Variants in TSPEAR observed in about 807,000 individuals in gnomAD.
TSPEAR encodes the protein thrombospondin-type laminin G domain and EAR repeat-containing protein.
TSPEAR carries 69 observed loss-of-function variants against 71.6 expected under a neutral mutation model. The ratio of observed to expected loss-of-function variants is 0.96; its 90% confidence interval spans 0.79 to 1.18. TSPEAR has a LOEUF of 1.18. TSPEAR is among the 50% of genes most tolerant of loss of function. The probability of loss-of-function intolerance (pLI) is 0.00; values close to 1 mark genes in which losing one functional copy is unlikely to be tolerated. For synonymous variants in TSPEAR, 402 were observed against 387.2 expected (o/e 1.04, Z -0.45); for missense variants, 971 against 894.9 (o/e 1.09, Z -1.09).
chr21:44,509,445 G>A, intron 9 of TSPEAR, 59 bp from the exon 10 acceptor site: 2 of 1,400,556 alleles, frequency 1.4e-6, no homozygotes, highest in Non-Finnish European at 1.9e-6. Context: ...AGGTGTGGGG[G>A]AGCGGGCGCA....
At chr21:44,588,332 C>T (rs587751534) in intron 1 of TSPEAR, among the ~76,000 whole-genome samples, 30 of 152,242 alleles carry the variant, frequency 2.0e-4, no homozygotes, top group African/African-American at 6.3e-4. Context: ...TGGGATACCA[C>T]CTCACTCCTG....
rs781828162 is a variant in TSPEAR, at chr21:44,711,405, C to A, written c.82+28G>T. Reference sequence around the variant, plus strand: ...TCCCAGCTCCCCGGCAAGATACCCCCGCCCGAGTTCCCATGCCCCTGCCTT... The same window carrying A: ...TCCCAGCTCCCCGGCAAGATACCCCAGCCCGAGTTCCCATGCCCCTGCCTT... On this transcript the variant is annotated intron_variant, in intron 1 of 11. Transcript: ENST00000323084. The surrounding 1 kb of genome is among the most constrained non-coding windows in gnomAD (Gnocchi z 4.5). 2.6e-6 allele frequency: 4 copies of A among 1,563,828 alleles called. No individual in the cohort carries two copies. Among genetic ancestry groups the A allele is most frequent in the East Asian group, 2.4e-5 (1 of 42,526 alleles).
At chr21:44,574,580 C>T (rs587619253) in intron 1 of TSPEAR, 7 of 1,308,970 alleles carry the variant, frequency 5.3e-6, no homozygotes, top group Non-Finnish European at 7.1e-6. Context: ...GTGTGCCTGT[C>T]TGCTGCAAGC....
intron 2 of TSPEAR, among the ~76,000 whole-genome samples, chr21:44,542,014 G>A (rs760879866): frequency 3.9e-5 from 6 of 152,196 alleles, no homozygotes; most frequent in Admixed American, 6.5e-5. Context: ...AGAAACAGAC[G>A]TGCAGGAGAT....
chr21:44,614,206 C>A (rs868975415), intron 1 of TSPEAR, among the ~76,000 whole-genome samples: 1 of 152,230 alleles, frequency 6.6e-6, no homozygotes, highest in East Asian at 1.9e-4. Flanking sequence ...GTGACGCCAG[C>A]GTCACTCTCC....
At chr21:44,647,012 A>T in intron 1 of TSPEAR, 1 of 1,611,360 alleles carries the variant, frequency 6.2e-7, no homozygotes, top group Non-Finnish European at 8.5e-7. Flanking sequence ...TCCTCCTACC[A>T]GCAGGCCTGC....
chr21:44,579,718 G>C (rs1474564851), intron 1 of TSPEAR: 1 of 1,583,516 alleles, frequency 6.3e-7, no homozygotes, highest in Non-Finnish European at 8.6e-7. Flanking sequence ...TTGGCCCTGG[G>C]GGATGTGCAC....
At chr21:44,606,839 G>C (rs1340873374) in intron 1 of TSPEAR, among the ~76,000 whole-genome samples, 5 of 152,154 alleles carry the variant, frequency 3.3e-5, no homozygotes, top group African/African-American at 1.2e-4. Flanking sequence ...AGAGCAGAAA[G>C]GTGGTTACCA....
rs1466067494 is a variant in TSPEAR at position 44,695,125 on chromosome 21, C to A, written c.82+16308G>T. ...GCCTTCTGAGGTCACTCTTTATAAT[C>A]CAAATAAAATAACAAGAGACAGTGC... On this transcript the variant is annotated intron_variant, in intron 1 of 11. Transcript: ENST00000323084. This position sits in a 1 kb window ranked among gnomAD's most constrained non-coding sequence, Gnocchi z 4.5. 1.3e-5 allele frequency among the ~76,000 whole-genome samples: 2 copies of A among 152,180 alleles called. No individual in the cohort carries two copies. Among genetic ancestry groups the A allele is most frequent in the Non-Finnish European group, 2.9e-5 (2 of 68,018 alleles).
At chr21:44,524,682 TAGTC>T (rs782490339) in intron 8 of TSPEAR, among the ~76,000 whole-genome samples, 265 of 140,616 alleles carry the variant, frequency 1.9e-3, no homozygotes, top group East Asian at 6.3e-3. Flanking sequence ...GTTAGGTAAT[TAGTC>T]AGTCAGCTAG....
intron 2 of TSPEAR, among the ~76,000 whole-genome samples, chr21:44,538,392 C>T (rs1227282213): frequency 6.7e-6 from 1 of 150,342 alleles, no homozygotes; most frequent in Non-Finnish European, 1.5e-5. Context: ...AACCCAGGCT[C>T]CTTGTCCCTA....
rs587710560 is a variant in TSPEAR, at chr21:44,504,485, G to A, written c.1856+295C>T. ...AAGGCTCTTGGAGGAGGCCGGCCTC[G>A]GTGAGCCCACAGTGGGGAAGCAAGG... On this transcript the variant is annotated intron_variant, in intron 11 of 11. Coordinates refer to ENST00000323084, the MANE Select transcript of TSPEAR (RefSeq NM_144991.3). Among the ~76,000 whole-genome samples the A allele has an allele frequency of 1.2e-4, 17 of 141,016 alleles. No homozygotes were observed. In the South Asian group the frequency reaches 2.5e-3, roughly 21 times the overall value. The allele number at this position is 141,016 out of a possible 152,430, so 92.5% of individuals were successfully genotyped here.
chr21:44,523,060 AG>A (rs1391439305), intron 8 of TSPEAR, among the ~76,000 whole-genome samples: 1 of 151,822 alleles, frequency 6.6e-6, no homozygotes, highest in Non-Finnish European at 1.5e-5. Context: ...TCAGTCAGCC[AG>A]GTAGTTAGTC....
intron 1 of TSPEAR, among the ~76,000 whole-genome samples, chr21:44,613,878 T>G (rs587644436): frequency 6.6e-6 from 1 of 152,156 alleles, no homozygotes; most frequent in South Asian, 2.1e-4. Context: ...TTTCAAGGCT[T>G]GTCCCTAATC....
chr21:44,543,383 C>T (rs2053252555), intron 2 of TSPEAR, among the ~76,000 whole-genome samples: 1 of 152,128 alleles, frequency 6.6e-6, no homozygotes, highest in African/African-American at 2.4e-5. Flanking sequence ...GTCTAATTTA[C>T]ATGAGACTTT....
At chr21:44,521,761 T>C in intron 9 of TSPEAR, 122 bp downstream of exon 9, 1 of 921,668 alleles carries the variant, frequency 1.1e-6, no homozygotes, top group African/African-American at 1.6e-5. Context: ...GGGTCACGGG[T>C]GCAGAGCAGC....
chr21:44,695,289 C>T lies in TSPEAR; in HGVS notation c.82+16144G>A, dbSNP rs1370267221. Among the ~76,000 whole-genome samples the T allele has an allele frequency of 2.0e-5, 3 of 152,124 alleles. No homozygotes were observed. The highest frequency in any genetic ancestry group is 7.2e-5 in the African/African-American group (3 of 41,408). The stretch of plus-strand genomic sequence containing the variant: ...TGGACGCTGTGCTGTCTCTCAGGTA[C>T]GCAAGTGCACCACAGACTCTGATAT... On this transcript the variant is annotated intron_variant, in intron 1 of 11. Transcript: ENST00000323084. The surrounding 1 kb of genome is among the most constrained non-coding windows in gnomAD (Gnocchi z 4.5).
intron 2 of TSPEAR, among the ~76,000 whole-genome samples, chr21:44,566,210 A>G (rs2053701248): frequency 6.6e-6 from 1 of 152,116 alleles, no homozygotes; most frequent in Admixed American, 6.5e-5. Context: ...CGGTATTTCT[A>G]TATATTTGCA....
At chr21:44,705,127 A>G (rs1555952124) in intron 1 of TSPEAR, among the ~76,000 whole-genome samples, 1 of 152,232 alleles carries the variant, frequency 6.6e-6, no homozygotes, top group Admixed American at 6.5e-5. Flanking sequence ...CCAAATTAAT[A>G]CTTTTGTAAT....
Sources: gnomAD v4.1 joint callset for allele counts (sites outside exome capture counted in the v4.1 genomes callset) on GRCh38, gnomAD v4.1.1 for gene constraint, Gnocchi (gnomAD v3.1) non-coding constraint, MANE v1.5 for transcripts, NCBI Gene and HGNC (gene_info 2026-07-23, HGNC 2026-07-21) for gene names.